NSF: variants seen among roughly 807,000 people sequenced by gnomAD.
NSF encodes the protein N-ethylmaleimide sensitive factor, vesicle fusing ATPase.
A neutral mutation model predicts 50.3 loss-of-function variants in NSF; 14 were observed. That is an observed-to-expected ratio of 0.28 (90% CI 0.18 to 0.44). The LOEUF is 0.44. Ranked by LOEUF, NSF falls within the 20% of genes least tolerant of loss-of-function variation. NSF has a pLI of 1.00. For synonymous variants in NSF, 109 were observed against 175.7 expected (o/e 0.62, Z 3.00); for missense variants, 218 against 504.3 (o/e 0.43, Z 5.44).
chr17:46,749,323 A>C (rs1194952975), intron 17 of NSF, among the ~76,000 whole-genome samples: 1 of 152,326 alleles, frequency 6.6e-6, no homozygotes, highest in South Asian at 2.1e-4. Context: ...TTTACAGTTC[A>C]GTGTTGCATA....
intron 15 of NSF, among the ~76,000 whole-genome samples, chr17:46,717,871 G>A (rs767024699): frequency 6.6e-5 from 10 of 152,156 alleles, no homozygotes; most frequent in Admixed American, 2.0e-4. Flanking sequence ...AAAGCTGACC[G>A]AACTGGAGCA....
At position 46,756,019 on chromosome 17, in the gene NSF, G is replaced by A; in HGVS notation, c.*196G>A. 4 of 565,830 alleles carry A rather than the reference G, an allele frequency of 7.1e-6. No homozygotes were observed. Among genetic ancestry groups the A allele is most frequent in the Non-Finnish European group, 1.2e-5 (4 of 325,154 alleles). The allele number at this position is 565,830 out of a possible 1,614,324, so 35.1% of individuals were successfully genotyped here. A position where few individuals can be genotyped will look rare whatever the true frequency, so the allele number is the denominator to read the frequency against. ...GAGATAGCTTAGTGTCTCGTGGAAG[G>A]TGTCAATTTGGTTTAGAATGCTGCG... On this transcript the variant is annotated 3_prime_UTR_variant, in exon 21 of 21. Transcript: ENST00000398238.
intron 19 of NSF, among the ~76,000 whole-genome samples, chr17:46,752,782 C>A (rs2059194201): frequency 6.6e-6 from 1 of 150,604 alleles, no homozygotes; most frequent in African/African-American, 2.4e-5. Flanking sequence ...CTTTTTTTTT[C>A]TTTTGAGACG....
At chr17:46,731,339 A>C (rs1384480042) in intron 17 of NSF, among the ~76,000 whole-genome samples, 1 of 152,134 alleles carries the variant, frequency 6.6e-6, no homozygotes, top group Non-Finnish European at 1.5e-5. Flanking sequence ...GGAGGGGAGA[A>C]TGAGAAGAGT....
chr17:46,610,067 C>CCTTT (rs2057999380), intron 1 of NSF, among the ~76,000 whole-genome samples: 2 of 96,284 alleles, frequency 2.1e-5, no homozygotes, highest in African/African-American at 3.8e-5. Flanking sequence ...TTCTTTCTTT[C>CCTTT]CTTTCTTTCC....
chr17:46,721,713 G>A (rs964372288), intron 15 of NSF: 21 of 1,606,474 alleles, frequency 1.3e-5, no homozygotes, highest in East Asian at 4.5e-5. Context: ...TTTATGAGCC[G>A]GCTGCTATCT....
At chr17:46,694,422 T>A in intron 11 of NSF, 53 bp from the exon 12 acceptor site, 1 of 985,294 alleles carries the variant, frequency 1.0e-6, no homozygotes, top group South Asian at 1.4e-5. Context: ...TAATCTCCTC[T>A]GATGGTGCTT....
At chr17:46,733,488 CT>C (rs1230728624) in intron 17 of NSF, among the ~76,000 whole-genome samples, 1 of 152,198 alleles carries the variant, frequency 6.6e-6, no homozygotes, top group East Asian at 1.9e-4. Context: ...GGGTTTGACA[CT>C]TTTGTGCATC....
chr17:46,743,055 ACTCT>A (rs2059092530), intron 17 of NSF, among the ~76,000 whole-genome samples: 1 of 151,504 alleles, frequency 6.6e-6, no homozygotes, highest in African/African-American at 2.4e-5. Context: ...AGTCCTTCTG[ACTCT>A]CTGTGAGTCA....
intron 9 of NSF, among the ~76,000 whole-genome samples, chr17:46,679,144 A>G (rs1174968668): frequency 6.6e-6 from 1 of 152,060 alleles, no homozygotes; most frequent in East Asian, 1.9e-4. Flanking sequence ...CATAAAAATC[A>G]GATTGTGGTT....
At chr17:46,725,287 A>G (rs116862069) in intron 15 of NSF, among the ~76,000 whole-genome samples, 1 of 152,340 alleles carries the variant, frequency 6.6e-6, no homozygotes, top group East Asian at 1.9e-4. Flanking sequence ...TGAACAGAAT[A>G]AAGCTTTTAT....
intron 15 of NSF, among the ~76,000 whole-genome samples, chr17:46,715,123 A>G (rs1041988327): frequency 6.6e-6 from 1 of 152,246 alleles, no homozygotes; most frequent in Non-Finnish European, 1.5e-5. Flanking sequence ...AACTTGTAGC[A>G]GGATTCCAGG....
chr17:46,713,751 T>C (rs2146266317), intron 14 of NSF, 102 bp from the exon 15 acceptor site: 2 of 1,018,000 alleles, frequency 2.0e-6, no homozygotes, highest in South Asian at 3.2e-5. Flanking sequence ...AATGAGCAAC[T>C]AGTCGAGACC....
In NSF at chr17:46,713,838, C is replaced by A; in HGVS notation, c.1628-15C>A. The A allele has an allele frequency of 6.2e-7, 1 of 1,606,818 alleles. No homozygotes were observed. The highest frequency in any genetic ancestry group is 8.5e-7 in the Non-Finnish European group (1 of 1,178,236). On this transcript the variant is annotated splice_polypyrimidine_tract_variant and intron_variant, in intron 14 of 20. Coordinates refer to ENST00000398238, the MANE Select transcript of NSF (RefSeq NM_006178.4). Reference sequence around the variant, plus strand: ...GTTGGCTTTTTTCCCCTGACTTGCTCATATCTTTATGCAGGCCCTCCTCAC... The same window carrying A: ...GTTGGCTTTTTTCCCCTGACTTGCTAATATCTTTATGCAGGCCCTCCTCAC...
At chr17:46,703,702 A>C (rs919112063) in intron 12 of NSF, among the ~76,000 whole-genome samples, 6 of 148,234 alleles carry the variant, frequency 4.0e-5, no homozygotes, top group Non-Finnish European at 7.4e-5. Context: ...AAAAAAAAAA[A>C]AACAAAAAAC....
chr17:46,622,516 C>T (rs1794557452), intron 1 of NSF, among the ~76,000 whole-genome samples: 1 of 149,690 alleles, frequency 6.7e-6, no homozygotes, highest in South Asian at 2.1e-4. Flanking sequence ...GACGCAGTGG[C>T]TCACGCCTGT....
At chr17:46,684,605 A>G (rs150578058) in intron 9 of NSF, among the ~76,000 whole-genome samples, 23,247 of 152,030 alleles carry the variant, frequency 0.15, 3,495 homozygotes, top group East Asian at 0.61. Context: ...CCACACATCT[A>G]CAACCATCTG....
intron 19 of NSF, 32 bp from the exon 20 acceptor site, chr17:46,755,282 T>TA: frequency 1.3e-6 from 2 of 1,564,354 alleles, no homozygotes; most frequent in Non-Finnish European, 1.8e-6. Flanking sequence ...AAGGTACCAT[T>TA]AACCCATCTT....
intron 2 of NSF, among the ~76,000 whole-genome samples, chr17:46,625,996 GTT>G (rs1201943046): frequency 6.9e-6 from 1 of 144,574 alleles, no homozygotes; most frequent in Admixed American, 6.9e-5. Context: ...TGAGAGGACT[GTT>G]TTTTTTTTTA....
Sources: gnomAD v4.1 joint callset for allele counts (sites outside exome capture counted in the v4.1 genomes callset) on GRCh38, gnomAD v4.1.1 for gene constraint, MANE v1.5 for transcripts, NCBI Gene and HGNC (gene_info 2026-07-23, HGNC 2026-07-21) for gene names.